The following NCOA3 variants were observed in gnomAD, a reference collection of about 807,000 sequenced individuals.
NCOA3 encodes nuclear receptor coactivator 3.
Under a neutral mutation model 158.8 loss-of-function variants are expected in NCOA3, and 51 were observed. The observed-to-expected ratio is 0.32, with a 90% CI of 0.26 to 0.41. NCOA3 has a LOEUF of 0.41. Among genes scored for constraint, NCOA3 ranks in the 10% least tolerant of loss-of-function variants. The pLI, the probability that NCOA3 is intolerant of heterozygous loss-of-function variation, is 1.00. For missense variants in NCOA3, 1,510 were observed against 1,746.6 expected (o/e 0.86, Z 2.41); for synonymous variants, 537 against 592.4 (o/e 0.91, Z 1.36).
At chr20:47,557,455 C>T (rs375528680) in intron 1 of NCOA3, among the ~76,000 whole-genome samples, 2 of 152,098 alleles carry the variant, frequency 1.3e-5, no homozygotes, top group Non-Finnish European at 1.5e-5. Flanking sequence ...TGCTTAAGGC[C>T]GCATAACTAG....
intron 12 of NCOA3, among the ~76,000 whole-genome samples, chr20:47,636,993 T>C (rs6090709): frequency 0.017 from 2,596 of 152,290 alleles, 76 homozygotes; most frequent in African/African-American, 0.059. Context: ...TGAAATTTTT[T>C]CATGGAGGTG....
chr20:47,508,497 A>C (rs1218045481), intron 1 of NCOA3, among the ~76,000 whole-genome samples: 1 of 152,248 alleles, frequency 6.6e-6, no homozygotes, highest in Non-Finnish European at 1.5e-5. Context: ...TGAGAACTTT[A>C]GTACAAAAGA....
At chr20:47,532,110 T>TTTTGTGTG (rs3221450) in intron 1 of NCOA3, among the ~76,000 whole-genome samples, 2 of 147,402 alleles carry the variant, frequency 1.4e-5, no homozygotes, top group East Asian at 3.9e-4. Context: ...AGGGGGGGAC[T>TTTTGTGTG]TGTGTGTGTG....
At chr20:47,561,428 A>G (rs1013952186) in intron 1 of NCOA3, among the ~76,000 whole-genome samples, 1 of 151,540 alleles carries the variant, frequency 6.6e-6, no homozygotes, top group Non-Finnish European at 1.5e-5. Flanking sequence ...AGCTTCCCCA[A>G]GAAGCTAGGA....
intron 1 of NCOA3, among the ~76,000 whole-genome samples, chr20:47,560,968 C>T (rs372938280): frequency 6.7e-4 from 68 of 101,102 alleles, no homozygotes; most frequent in East Asian, 1.5e-3. Flanking sequence ...ATCCCTCATT[C>T]TTTTTTTTTT....
chr20:47,594,300 G>A (rs1401103562), intron 2 of NCOA3, among the ~76,000 whole-genome samples: 33 of 152,098 alleles, frequency 2.2e-4, no homozygotes, highest in Admixed American at 1.8e-3. Flanking sequence ...TCTACATTAC[G>A]GAACCTTTTA....
chr20:47,573,076 A>G (rs1341277005), intron 1 of NCOA3, among the ~76,000 whole-genome samples: 1 of 152,186 alleles, frequency 6.6e-6, no homozygotes, highest in Non-Finnish European at 1.5e-5. Context: ...ATGGTGCCCC[A>G]AAACAATTAA....
chr20:47,592,990 G>T (rs148843648), intron 2 of NCOA3, among the ~76,000 whole-genome samples: 63 of 152,276 alleles, frequency 4.1e-4, no homozygotes, highest in African/African-American at 1.5e-3. Flanking sequence ...CTGGAGTGCA[G>T]TAGTGTGATC....
At chr20:47,534,561 A>G (rs929611161) in intron 1 of NCOA3, among the ~76,000 whole-genome samples, 36 of 152,310 alleles carry the variant, frequency 2.4e-4, no homozygotes, top group African/African-American at 8.4e-4. Flanking sequence ...CTTAAGAATA[A>G]GATATGAAAA....
At chr20:47,580,615 G>A (rs1167907037) in intron 1 of NCOA3, among the ~76,000 whole-genome samples, 2 of 148,890 alleles carry the variant, frequency 1.3e-5, no homozygotes, top group African/African-American at 2.5e-5. Flanking sequence ...TTCCTTAGGT[G>A]CTAACCCCAC....
intron 1 of NCOA3, among the ~76,000 whole-genome samples, chr20:47,580,113 C>T (rs1357180995): frequency 6.6e-6 from 1 of 152,066 alleles, no homozygotes; most frequent in Non-Finnish European, 1.5e-5. Flanking sequence ...ACATTTGGGT[C>T]CAAGGGTGCA....
At chr20:47,533,200 A>G (rs1332349045) in intron 1 of NCOA3, among the ~76,000 whole-genome samples, 1 of 141,914 alleles carries the variant, frequency 7.0e-6, no homozygotes, top group African/African-American at 2.6e-5. Context: ...CAGGAGAATC[A>G]TTTGAATTTG....
rs541596060 is a variant in NCOA3 at position 47,650,866 on chromosome 20, AAAG to A, written c.3652-112_3652-110del. On this transcript the variant is annotated intron_variant, in intron 19 of 22. Transcript: ENST00000371998. ...CGACAGAGTGAGACCCTGTTAAAAA[AAAG>A]AAGGCCCTGGGTGTTTTCTGTCTTA... The A allele has an allele frequency of 1.4e-4, 144 of 1,013,072 alleles. 2 individuals carry two copies. In the South Asian group the frequency reaches 2.1e-3, roughly 15 times the overall value. 62.8% of individuals were successfully genotyped at this position (1,013,072 alleles called of 1,614,324 possible).
chr20:47,520,409 T>C (rs1413160438), intron 1 of NCOA3, among the ~76,000 whole-genome samples: 2 of 152,290 alleles, frequency 1.3e-5, no homozygotes, highest in East Asian at 3.9e-4. Context: ...CTCCTTGCCC[T>C]TCCCCTAGGG....
intron 2 of NCOA3, among the ~76,000 whole-genome samples, chr20:47,603,617 T>G (rs1166659231): frequency 6.6e-6 from 1 of 152,180 alleles, no homozygotes; most frequent in Non-Finnish European, 1.5e-5. Context: ...TGTGGGGATT[T>G]TATTGAGTGA....
At chr20:47,568,956 G>GT (rs537955083) in intron 1 of NCOA3, among the ~76,000 whole-genome samples, 1,972 of 143,692 alleles carry the variant, frequency 0.014, 13 homozygotes, top group African/African-American at 0.018. Flanking sequence ...AATTAAAACA[G>GT]TTTTTTTTTT....
At position 47,581,579 on chromosome 20, in the gene NCOA3, A is replaced by G. The variant is rs1046982663; in HGVS notation, c.-98-1604A>G. ...ATCATTTTTCCTTTCCCCCATACCAACAGATCTACCAATTCCAGCATGAAA... is the reference window on the plus strand; with the variant it reads ...ATCATTTTTCCTTTCCCCCATACCAGCAGATCTACCAATTCCAGCATGAAA... On this transcript the variant is annotated intron_variant, in intron 1 of 22. Coordinates refer to ENST00000371998, the MANE Select transcript of NCOA3 (RefSeq NM_181659.3). Among the ~76,000 whole-genome samples, 5 of 152,222 alleles carry G rather than the reference A, an allele frequency of 3.3e-5. No individual in the cohort carries two copies. The South Asian group carries it at 6.2e-4, about 19-fold the overall frequency.
intron 1 of NCOA3, among the ~76,000 whole-genome samples, chr20:47,519,084 C>T (rs569194170): frequency 2.7e-5 from 4 of 150,306 alleles, no homozygotes; most frequent in East Asian, 2.0e-4. Flanking sequence ...TGCAGTGAGC[C>T]GAGATTGTGC....
chr20:47,591,745 CT>C (rs539333586), intron 2 of NCOA3, among the ~76,000 whole-genome samples: 90 of 144,612 alleles, frequency 6.2e-4, no homozygotes, highest in East Asian at 2.8e-3. Flanking sequence ...ACCTCCTCCC[CT>C]TTTTTTTTTT....
Sources: allele counts gnomAD v4.1 joint callset (sites outside exome capture counted in the v4.1 genomes callset), GRCh38; gene constraint gnomAD v4.1.1; transcripts MANE v1.5; gene names NCBI Gene and HGNC (gene_info 2026-07-23, HGNC 2026-07-21).